ELP3: variants seen among roughly 807,000 people sequenced by gnomAD.
ELP3 encodes the protein elongator complex protein 3.
In ELP3, 56 loss-of-function variants were observed where a neutral mutation model predicts 74.9. The observed-to-expected ratio is 0.75, with a 90% CI of 0.60 to 0.93. The LOEUF is 0.93. Ranked by LOEUF, ELP3 falls within the 40% of genes least tolerant of loss-of-function variation. The pLI, the probability that ELP3 is intolerant of heterozygous loss-of-function variation, is 0.00. For synonymous variants in ELP3, 222 were observed against 239.8 expected (o/e 0.93, Z 0.68); for missense variants, 573 against 686.5 (o/e 0.83, Z 1.85).
intron 14 of ELP3, among the ~76,000 whole-genome samples, chr8:28,178,208 C>T (rs1375346810): frequency 6.6e-6 from 1 of 152,188 alleles, no homozygotes; most frequent in Non-Finnish European, 1.5e-5. Flanking sequence ...ACCTAATTGT[C>T]ACCCAAAGAC....
chr8:28,171,741 T>G (rs1814537282), intron 14 of ELP3, among the ~76,000 whole-genome samples: 1 of 152,168 alleles, frequency 6.6e-6, no homozygotes, highest in South Asian at 2.1e-4. Flanking sequence ...GTGAAGGACA[T>G]AAAGATTTTC....
intron 8 of ELP3, 81 bp downstream of exon 8, chr8:28,129,744 C>T: frequency 6.6e-7 from 1 of 1,518,424 alleles, no homozygotes; most frequent in Non-Finnish European, 9.1e-7. Flanking sequence ...GCCTTTCTTC[C>T]TTCTGACCAC....
intron 7 of ELP3, among the ~76,000 whole-genome samples, chr8:28,121,253 T>C (rs1345739842): frequency 6.6e-6 from 1 of 151,932 alleles, no homozygotes; most frequent in Admixed American, 6.5e-5. Flanking sequence ...TTTCAAAATA[T>C]TTGTATGTGT....
In ELP3 at chr8:28,162,570, G is replaced by A. The variant is rs148273774; in HGVS notation, c.1567+492G>A. On this transcript the variant is annotated intron_variant, in intron 14 of 14. Transcript: ENST00000256398. Reference sequence around the variant, plus strand: ...GGGAACAGCTTTCCCCTGTTTGGGAGTAAAAAAGTTTTCCCCAGCCCTCTT... The same window carrying A: ...GGGAACAGCTTTCCCCTGTTTGGGAATAAAAAAGTTTTCCCCAGCCCTCTT... Among the ~76,000 whole-genome samples the A allele has an allele frequency of 3.9e-3, 601 of 152,298 alleles. 4 individuals carry two copies. The highest frequency in any genetic ancestry group is 0.013 in the African/African-American group (551 of 41,564).
chr8:28,127,841 G>A (rs938733251), intron 7 of ELP3, among the ~76,000 whole-genome samples: 15 of 151,942 alleles, frequency 9.9e-5, no homozygotes, highest in African/African-American at 2.4e-4. Context: ...AAAACCTCGC[G>A]GAATACAGAA....
intron 3 of ELP3, among the ~76,000 whole-genome samples, chr8:28,103,038 C>T (rs1426573094): frequency 6.6e-6 from 1 of 152,066 alleles, no homozygotes; most frequent in African/African-American, 2.4e-5. Context: ...GGCATGGTGG[C>T]GGGCGCCTGT....
chr8:28,148,099 T>A (rs1013278671), intron 10 of ELP3, among the ~76,000 whole-genome samples: 16 of 152,124 alleles, frequency 1.1e-4, no homozygotes, highest in African/African-American at 3.6e-4. Flanking sequence ...ATAGAAGGGA[T>A]GGTAGAAATA....
chr8:28,102,406 A>G (rs1325315774), intron 3 of ELP3, among the ~76,000 whole-genome samples: 1 of 152,108 alleles, frequency 6.6e-6, no homozygotes, highest in South Asian at 2.1e-4. Context: ...GGCCTTTATT[A>G]TTTCTTGTTT....
intron 3 of ELP3, among the ~76,000 whole-genome samples, chr8:28,102,094 T>C (rs1157131552): frequency 6.6e-6 from 1 of 152,178 alleles, no homozygotes; most frequent in Non-Finnish European, 1.5e-5. Context: ...CCTGGGCTCA[T>C]TGTGTTTGGT....
intron 12 of ELP3, among the ~76,000 whole-genome samples, 174 bp downstream of exon 12, chr8:28,158,807 G>A (rs1813948666): frequency 6.6e-6 from 1 of 152,134 alleles, no homozygotes; most frequent in African/African-American, 2.4e-5. Context: ...AAGAATTCTA[G>A]AAGAGCCAGG....
At chr8:28,135,003 A>G (rs537639611) in intron 9 of ELP3, among the ~76,000 whole-genome samples, 96 of 151,026 alleles carry the variant, frequency 6.4e-4, no homozygotes, top group Non-Finnish European at 8.4e-4. Flanking sequence ...ATCTTGGCTC[A>G]CTGCAACCTC....
chr8:28,144,556 G>A (rs1226452131), intron 10 of ELP3, among the ~76,000 whole-genome samples: 1 of 152,200 alleles, frequency 6.6e-6, no homozygotes, highest in Non-Finnish European at 1.5e-5. Context: ...GGAGGTTGAG[G>A]CTGCAATAAG....
rs575467635 is a variant in ELP3 at position 28,131,559 on chromosome 8, G to A, written c.780-719G>A. Among the ~76,000 whole-genome samples the A allele has an allele frequency of 2.3e-3, 353 of 152,298 alleles. 2 individuals carry two copies. The highest frequency in any genetic ancestry group is 3.9e-3 in the Non-Finnish European group (267 of 68,014). ...AGTGAGATGGAGTCTGTGGTTTCTAGGATCCTTCTGCCGTGAATGGGAACA... is the reference window on the plus strand; with the variant it reads ...AGTGAGATGGAGTCTGTGGTTTCTAAGATCCTTCTGCCGTGAATGGGAACA... On this transcript the variant is annotated intron_variant, in intron 8 of 14. Coordinates refer to ENST00000256398, the MANE Select transcript of ELP3 (RefSeq NM_018091.6).
At chr8:28,101,780 G>C (rs1242087500) in intron 3 of ELP3, among the ~76,000 whole-genome samples, 2 of 152,090 alleles carry the variant, frequency 1.3e-5, no homozygotes, top group African/African-American at 4.8e-5. Context: ...AGTAGAGACA[G>C]GGTTTCACTA....
chr8:28,106,655 T>A (rs1811708854), intron 3 of ELP3, 58 bp from the exon 4 acceptor site: 1 of 1,451,082 alleles, frequency 6.9e-7, no homozygotes, highest in African/African-American at 1.4e-5. Context: ...ATAAGCACTC[T>A]GTGGAGTTTT....
intron 10 of ELP3, among the ~76,000 whole-genome samples, chr8:28,143,995 T>G (rs1813340082): frequency 6.6e-6 from 1 of 152,212 alleles, no homozygotes; most frequent in Non-Finnish European, 1.5e-5. Flanking sequence ...AGTATTTTTA[T>G]TTTATTTAAT....
intron 7 of ELP3, chr8:28,119,065 T>A (rs533726951): frequency 2.0e-5 from 3 of 152,380 alleles, no homozygotes; most frequent in Admixed American, 1.3e-4. Context: ...GTGGCCCTGC[T>A]GCCCTGGGCG....
intron 7 of ELP3, among the ~76,000 whole-genome samples, chr8:28,127,670 A>G (rs1314536003): frequency 6.6e-6 from 1 of 152,128 alleles, no homozygotes; most frequent in Non-Finnish European, 1.5e-5. Context: ...GAGGCACAGG[A>G]CCTGATGATT....
At chr8:28,103,232 T>C (rs1333512109) in intron 3 of ELP3, among the ~76,000 whole-genome samples, 2 of 152,200 alleles carry the variant, frequency 1.3e-5, no homozygotes, top group African/African-American at 2.4e-5. Context: ...TCCCTCTGCA[T>C]GTTCTAGACG....
Sources: allele counts gnomAD v4.1 joint callset (sites outside exome capture counted in the v4.1 genomes callset), GRCh38; gene constraint gnomAD v4.1.1; transcripts MANE v1.5; gene names NCBI Gene and HGNC (gene_info 2026-07-23, HGNC 2026-07-21).